The following DNAH5 variants were observed in gnomAD, a reference collection of about 807,000 sequenced individuals.
The protein encoded by DNAH5 is dynein axonemal heavy chain 5, also known as axonemal beta dynein heavy chain 5.
In DNAH5, 372 loss-of-function variants were observed where a neutral mutation model predicts 518.2. That is an observed-to-expected ratio of 0.72 (90% CI 0.66 to 0.78). The LOEUF is 0.78. Ranked by LOEUF, DNAH5 falls within the 30% of genes least tolerant of loss-of-function variation. DNAH5 has a pLI of 0.00. For synonymous variants in DNAH5, 2,039 were observed against 2,025.9 expected, an observed-to-expected ratio of 1.01 and a Z score of -0.17; for missense variants, 5,523 against 5,687.0, an observed-to-expected ratio of 0.97 and a Z score of 0.93.
In DNAH5 at chr5:13,890,966, T is replaced by C. The variant is rs1292306540; in HGVS notation, c.2577+10A>G. 1 of 1,613,634 alleles carries C rather than the reference T, an allele frequency of 6.2e-7. No individual in the cohort carries two copies. Among genetic ancestry groups the C allele is most frequent in the Non-Finnish European group, 8.5e-7 (1 of 1,179,842 alleles). ...AAACCTTAAACAAAAAAAATCAAGG[T>C]TTTAATGACCTTTGTCATTTGGAGA... On this transcript the variant is annotated intron_variant, in intron 17 of 78. Transcript: ENST00000265104.
chr5:13,887,481 C>G (rs766484295), intron 17 of DNAH5, among the ~76,000 whole-genome samples: 29 of 152,158 alleles, frequency 1.9e-4, no homozygotes, highest in Non-Finnish European at 3.4e-4. Flanking sequence ...TCCACTTATC[C>G]TGCTTCATTT....
At chr5:13,833,287 A>C (rs1264392166) in intron 35 of DNAH5, among the ~76,000 whole-genome samples, 1 of 152,062 alleles carries the variant, frequency 6.6e-6, no homozygotes, top group Non-Finnish European at 1.5e-5. Context: ...AAAAATACAA[A>C]AATTAGCTGG....
At position 13,690,844 on chromosome 5, in the gene DNAH5, C is replaced by T. The variant is rs1318761605; in HGVS notation, c.*1140G>A. 6.6e-6 allele frequency: 1 copy of T among 152,106 alleles called. No individual in the cohort carries two copies. The highest frequency in any genetic ancestry group is 1.5e-5 in the Non-Finnish European group (1 of 68,014). The allele number at this position is 152,106 out of a possible 1,614,324, so 9.4% of individuals were successfully genotyped here. ...CTACGCACCGTCTAATATTTCTACC[C>T]TTTTTTTATTTTTTCTCCTGATCAT... On this transcript the variant is annotated 3_prime_UTR_variant, in exon 79 of 79. Transcript: ENST00000265104.
At chr5:13,710,230 G>A (rs1463184902) in intron 75 of DNAH5, among the ~76,000 whole-genome samples, 3 of 152,032 alleles carry the variant, frequency 2.0e-5, no homozygotes, top group Admixed American at 6.6e-5. Flanking sequence ...ACTGCAGCTC[G>A]GCTCACAGGA....
In DNAH5 at chr5:13,823,248, T is replaced by C; in HGVS notation, c.6687+15A>G. 6.6e-7 allele frequency: 1 copy of C among 1,522,018 alleles called. No homozygotes were observed. The highest frequency in any genetic ancestry group is 9.1e-7 in the Non-Finnish European group (1 of 1,096,040). The allele number at this position is 1,522,018 out of a possible 1,614,324, so 94.3% of individuals were successfully genotyped here. The stretch of plus-strand genomic sequence containing the variant: ...AAACAGACACCAGCCCTCGTTGCCC[T>C]GTGAAGCATATTACCTGTCTACTAA... On this transcript the variant is annotated intron_variant, in intron 40 of 78. Coordinates refer to ENST00000265104, the MANE Select transcript of DNAH5 (RefSeq NM_001369.3).
rs1045080793 is a variant in DNAH5, at chr5:13,706,628, A to G, written c.13338+1495T>C. 2.6e-5 allele frequency among the ~76,000 whole-genome samples: 4 copies of G among 152,238 alleles called. No homozygotes were observed. The East Asian group carries it at 7.7e-4, about 29-fold the overall frequency. On this transcript the variant is annotated intron_variant, in intron 76 of 78. Transcript: ENST00000265104. ...CACACACAAATACAGAACAAAGAGA[A>G]GAATACCATTTAGGCTCCATCCCTT...
At chr5:13,978,116 C>T (rs1289509201) in intron 1 of DNAH5, among the ~76,000 whole-genome samples, 1 of 152,208 alleles carries the variant, frequency 6.6e-6, no homozygotes, top group Non-Finnish European at 1.5e-5. Flanking sequence ...CATGCACAGA[C>T]ACACTGTGGC....
chr5:13,776,312 T>G (rs1457434200), intron 55 of DNAH5, 127 bp downstream of exon 55: 1 of 1,274,394 alleles, frequency 7.8e-7, no homozygotes, highest in Admixed American at 1.7e-5. Flanking sequence ...ATTAAACCTC[T>G]GTGCCTTCCC....
At chr5:13,832,747 C>T (rs754915304) in intron 35 of DNAH5, among the ~76,000 whole-genome samples, 3 of 152,162 alleles carry the variant, frequency 2.0e-5, no homozygotes, top group South Asian at 2.1e-4. Context: ...AAATGGCTTG[C>T]GCTGATCCAG....
chr5:13,793,729 C>G lies in DNAH5; in HGVS notation c.8011-1G>C. 6.2e-7 allele frequency: 1 copy of G among 1,613,460 alleles called. No individual in the cohort carries two copies. Among genetic ancestry groups the G allele is most frequent in the Non-Finnish European group, 8.5e-7 (1 of 1,179,644 alleles). Reference sequence around the variant, plus strand: ...GCTGTCGCACTATCTCATTCGTAACCTACAAAAGACAACTTTCAGAATTAA... The same window carrying G: ...GCTGTCGCACTATCTCATTCGTAACGTACAAAAGACAACTTTCAGAATTAA... On this transcript the variant is annotated splice_acceptor_variant, in intron 48 of 78. Transcript: ENST00000265104. LOFTEE classifies it high-confidence loss of function.
chr5:13,727,411 T>C, intron 70 of DNAH5, 96 bp downstream of exon 70: 1 of 1,227,174 alleles, frequency 8.1e-7, no homozygotes, highest in South Asian at 1.5e-5. Context: ...AAGAAAATTC[T>C]CACTGGAATT....
chr5:13,787,191 G>A (rs909326085), intron 51 of DNAH5, among the ~76,000 whole-genome samples: 8 of 146,632 alleles, frequency 5.5e-5, no homozygotes, highest in Non-Finnish European at 1.2e-4. Context: ...GAAACAGAGC[G>A]AGACTCTGTT....
At chr5:13,902,714 T>C (rs940901635) in intron 12 of DNAH5, among the ~76,000 whole-genome samples, 1 of 152,212 alleles carries the variant, frequency 6.6e-6, no homozygotes, top group African/African-American at 2.4e-5. Flanking sequence ...TGCTGACCCC[T>C]GCCCTAGAGG....
In DNAH5 at chr5:13,811,633, G is replaced by T; in HGVS notation, c.7407+14C>A. ...TGATAAGAGAGAATTTCTCTAGAAA[G>T]TTGAGCAATTTACCTTCAGAGGAAT... On this transcript the variant is annotated intron_variant, in intron 44 of 78. Coordinates refer to ENST00000265104, the MANE Select transcript of DNAH5 (RefSeq NM_001369.3). 6.2e-7 allele frequency: 1 copy of T among 1,612,944 alleles called. No homozygotes were observed. Among genetic ancestry groups the T allele is most frequent in the Non-Finnish European group, 8.5e-7 (1 of 1,178,946 alleles).
intron 47 of DNAH5, 139 bp from the exon 48 acceptor site, chr5:13,794,197 T>C: frequency 9.7e-7 from 1 of 1,026,858 alleles, no homozygotes; most frequent in Non-Finnish European, 1.4e-6. Flanking sequence ...CCCTTAATTC[T>C]AACAAATTCT....
intron 59 of DNAH5, 48 bp from the exon 60 acceptor site, chr5:13,762,949 A>G: frequency 6.6e-7 from 1 of 1,505,680 alleles, no homozygotes; most frequent in South Asian, 1.1e-5. Flanking sequence ...CTTTCCATAA[A>G]GTCATACTTG....
chr5:13,808,924 C>T, intron 46 of DNAH5, 120 bp downstream of exon 46: 1 of 1,244,316 alleles, frequency 8.0e-7, no homozygotes, highest in Non-Finnish European at 1.2e-6. Context: ...CGCGCCACTG[C>T]ACTCCAGCCT....
intron 29 of DNAH5, chr5:13,860,525 A>C (rs1220977281): frequency 6.6e-6 from 1 of 152,152 alleles, no homozygotes; most frequent in Non-Finnish European, 1.5e-5. Context: ...GGTACGTTGC[A>C]AAGATTGAGA....
In DNAH5 at chr5:13,753,562, A is replaced by G; in HGVS notation, c.10556-13T>C. On this transcript the variant is annotated splice_polypyrimidine_tract_variant and intron_variant, in intron 62 of 78. Coordinates refer to ENST00000265104, the MANE Select transcript of DNAH5 (RefSeq NM_001369.3). ...AACAGTACATCCCCTAAAATAGAAA[A>G]CAAACACCATTGAAATACTTTACGT... is the stretch of plus-strand genomic sequence containing the variant. 6.2e-7 allele frequency: 1 copy of G among 1,605,826 alleles called. No individual in the cohort carries two copies. Among genetic ancestry groups the G allele is most frequent in the East Asian group, 2.2e-5 (1 of 44,828 alleles).
Sources: gnomAD v4.1 joint callset for allele counts (sites outside exome capture counted in the v4.1 genomes callset) on GRCh38, gnomAD v4.1.1 for gene constraint, MANE v1.5 for transcripts, NCBI Gene and HGNC (gene_info 2026-07-23, HGNC 2026-07-21) for gene names.